Variants in XPO7 observed in about 807,000 individuals in gnomAD.
XPO7 encodes the protein exportin 7, also known as exportin-7.
XPO7 carries 21 observed loss-of-function variants against 144.3 expected under a neutral mutation model. The observed-to-expected ratio is 0.15, with a 90% confidence interval of 0.10 to 0.21. The LOEUF is 0.21. Among genes scored for constraint, XPO7 ranks in the 10% least tolerant of loss-of-function variants. The pLI, the probability that XPO7 is intolerant of heterozygous loss-of-function variation, is 1.00. For synonymous variants in XPO7, 580 were observed against 499.6 expected, an observed-to-expected ratio of 1.16 and a Z score of -2.15; for missense variants, 808 against 1,325.8, an observed-to-expected ratio of 0.61 and a Z score of 6.06.
In XPO7 at chr8:21,991,402, C is replaced by G. The variant is rs563149427; in HGVS notation, c.2042-466C>G. On this transcript the variant is annotated intron_variant, in intron 18 of 27. Coordinates refer to ENST00000252512, the MANE Select transcript of XPO7 (RefSeq NM_015024.5). ...AAGCTCAGTGGTATTACTCTAATTT[C>G]GAGCTGTTTAAATTTAATCCTACTA... 3.3e-3 allele frequency among the ~76,000 whole-genome samples: 498 copies of G among 152,240 alleles called. 2 individuals carry two copies. The highest frequency in any genetic ancestry group is 6.8e-3 in the Middle Eastern group (2 of 294).
At chr8:21,940,987 T>A (rs1393245835) in intron 1 of XPO7, among the ~76,000 whole-genome samples, 1 of 152,116 alleles carries the variant, frequency 6.6e-6, no homozygotes, top group African/African-American at 2.4e-5. Context: ...CAGCCTGAGT[T>A]CTTCAGTAGG....
chr8:21,995,397 G>T, intron 20 of XPO7, 95 bp from the exon 21 acceptor site: 1 of 1,010,436 alleles, frequency 9.9e-7, no homozygotes, highest in Non-Finnish European at 1.5e-6. Flanking sequence ...AAGAACTGTA[G>T]TTTGACAAGT....
intron 13 of XPO7, among the ~76,000 whole-genome samples, 166 bp from the exon 14 acceptor site, chr8:21,986,975 A>C (rs962445618): frequency 6.6e-6 from 1 of 152,208 alleles, no homozygotes; most frequent in Non-Finnish European, 1.5e-5. Context: ...AAAAGATTGA[A>C]AACTCCTGGT....
chr8:22,004,644 G>C (rs1004160159), intron 27 of XPO7, among the ~76,000 whole-genome samples: 8 of 152,104 alleles, frequency 5.3e-5, no homozygotes, highest in Non-Finnish European at 1.0e-4. Flanking sequence ...TATGTGGTTA[G>C]CAGCCGCCCT....
At chr8:21,939,914 T>A (rs1454113969) in intron 1 of XPO7, among the ~76,000 whole-genome samples, 1 of 152,262 alleles carries the variant, frequency 6.6e-6, no homozygotes, top group African/African-American at 2.4e-5. Flanking sequence ...TTTGCATATG[T>A]GTTAAGAACA....
At chr8:22,004,912 C>T in intron 27 of XPO7, 83 bp from the exon 28 acceptor site, 1 of 785,910 alleles carries the variant, frequency 1.3e-6, no homozygotes, top group Non-Finnish European at 2.0e-6. Context: ...TTCTACTTCC[C>T]ATGCTTTAAA....
At chr8:21,969,964 C>T (rs998934741) in intron 3 of XPO7, 180 bp from the exon 4 acceptor site, 4 of 692,364 alleles carry the variant, frequency 5.8e-6, no homozygotes, top group African/African-American at 5.4e-5. Flanking sequence ...ATTAGAACAC[C>T]TACTAATCTT....
chr8:21,920,738 C>G (rs371712906), intron 1 of XPO7, among the ~76,000 whole-genome samples: 1 of 152,126 alleles, frequency 6.6e-6, no homozygotes, highest in Non-Finnish European at 1.5e-5. Flanking sequence ...ATTTTTATGA[C>G]AGTTATTGAT....
intron 4 of XPO7, among the ~76,000 whole-genome samples, chr8:21,971,025 T>C (rs1238796051): frequency 6.6e-6 from 1 of 152,148 alleles, no homozygotes; most frequent in Non-Finnish European, 1.5e-5. Context: ...CCTATACAGG[T>C]GTAGCTTTTT....
chr8:22,003,204 C>G lies in XPO7; in HGVS notation c.2944-15C>G. On this transcript the variant is annotated splice_polypyrimidine_tract_variant and intron_variant, in intron 25 of 27. Coordinates refer to ENST00000252512, the MANE Select transcript of XPO7 (RefSeq NM_015024.5). ...ACATTAGGTCACTGCCTGAAATTCT[C>G]CATTCCATTTTCAGATGCTGTCCAC... 1 of 1,597,274 alleles carries G rather than the reference C, an allele frequency of 6.3e-7. No homozygotes were observed. Among genetic ancestry groups the G allele is most frequent in the Non-Finnish European group, 8.5e-7 (1 of 1,170,672 alleles).
At chr8:21,920,561 CAA>C (rs1810245973) in intron 1 of XPO7, among the ~76,000 whole-genome samples, 2 of 152,250 alleles carry the variant, frequency 1.3e-5, no homozygotes, top group South Asian at 4.2e-4. Flanking sequence ...TGATCCGGCT[CAA>C]GAGCTGCTCC....
chr8:21,930,222 G>A lies in XPO7; in HGVS notation c.18+10434G>A, dbSNP rs554731128. On this transcript the variant is annotated intron_variant, in intron 1 of 27. Transcript: ENST00000252512. Reference sequence around the variant, plus strand: ...TAACAGAATAGTATTGTTTAGAATGGTATTATCCTTCTGGTTATTTGGTGA... The same window carrying A: ...TAACAGAATAGTATTGTTTAGAATGATATTATCCTTCTGGTTATTTGGTGA... Among the ~76,000 whole-genome samples the A allele has an allele frequency of 2.0e-5, 3 of 152,242 alleles. No individual in the cohort carries two copies. In the East Asian group the frequency reaches 5.8e-4, roughly 29 times the overall value.
chr8:21,959,482 C>T (rs1811649351), intron 1 of XPO7, among the ~76,000 whole-genome samples: 1 of 152,124 alleles, frequency 6.6e-6, no homozygotes, highest in African/African-American at 2.4e-5. Context: ...GATTTGTCTG[C>T]CACCTAAAAT....
At chr8:21,968,103 C>T (rs1252399108) in intron 2 of XPO7, among the ~76,000 whole-genome samples, 1 of 152,090 alleles carries the variant, frequency 6.6e-6, no homozygotes, top group Non-Finnish European at 1.5e-5. Flanking sequence ...CAAGAAAAGG[C>T]ACATATATTA....
chr8:21,981,220 T>C lies in XPO7; in HGVS notation c.958-511T>C, dbSNP rs184130070. On this transcript the variant is annotated intron_variant, in intron 9 of 27. Coordinates refer to ENST00000252512, the MANE Select transcript of XPO7 (RefSeq NM_015024.5). ...TAGCTGTAATATTTGCTATATCATA[T>C]AAATACTACTATATGAATAAATTAC... 3.5e-3 allele frequency among the ~76,000 whole-genome samples: 535 copies of C among 152,340 alleles called. 1 individual carries two copies. The highest frequency in any genetic ancestry group is 0.012 in the African/African-American group (515 of 41,576).
chr8:21,950,160 G>A (rs950036007), intron 1 of XPO7, among the ~76,000 whole-genome samples: 3 of 152,204 alleles, frequency 2.0e-5, no homozygotes, highest in Non-Finnish European at 4.4e-5. Flanking sequence ...TTAACGTATT[G>A]TAGTTTGGGA....
intron 1 of XPO7, among the ~76,000 whole-genome samples, chr8:21,927,250 A>G (rs1297050024): frequency 6.6e-5 from 10 of 152,146 alleles, no homozygotes; most frequent in Non-Finnish European, 1.5e-4. Context: ...ATTAATTTAA[A>G]TTAAATTCAA....
chr8:21,947,958 G>C (rs1380733520), intron 1 of XPO7, among the ~76,000 whole-genome samples: 1 of 152,112 alleles, frequency 6.6e-6, no homozygotes, highest in African/African-American at 2.4e-5. Context: ...AAAAAAACAT[G>C]GCATGTTTGA....
At chr8:21,995,819 T>C (rs896561544) in intron 21 of XPO7, among the ~76,000 whole-genome samples, 1 of 152,018 alleles carries the variant, frequency 6.6e-6, no homozygotes, top group African/African-American at 2.4e-5. Context: ...TTTGGTTTGT[T>C]TGTCTTGTTT....
Sources: gnomAD v4.1 joint callset for allele counts (sites outside exome capture counted in the v4.1 genomes callset) on GRCh38, gnomAD v4.1.1 for gene constraint, MANE v1.5 for transcripts, NCBI Gene and HGNC (gene_info 2026-07-23, HGNC 2026-07-21) for gene names.